NCAPG: variants seen among roughly 807,000 people sequenced by gnomAD.
NCAPG encodes the protein non-SMC condensin I complex subunit G.
A neutral mutation model predicts 113.1 loss-of-function variants in NCAPG; 69 were observed. The observed-to-expected ratio is 0.61, with a 90% CI of 0.50 to 0.75. The LOEUF (loss-of-function observed/expected upper bound fraction) is 0.75, where lower values mean the gene tolerates loss of function less well. Among genes scored for constraint, NCAPG ranks in the 30% least tolerant of loss-of-function variants. NCAPG has a pLI of 0.00. For missense variants in NCAPG, 1,058 were observed against 1,177.0 expected (o/e 0.90, Z 1.48); for synonymous variants, 370 against 415.8 (o/e 0.89, Z 1.34).
intron 16 of NCAPG, 151 bp from the exon 17 acceptor site, chr4:17,839,524 TG>T (rs373627242): frequency 6.1e-6 from 3 of 493,932 alleles, no homozygotes; most frequent in Non-Finnish European, 1.0e-5. Flanking sequence ...GAGCTTATTT[TG>T]GGGGTAGGGA....
intron 9 of NCAPG, among the ~76,000 whole-genome samples, chr4:17,824,282 C>T (rs1721570218): frequency 6.6e-6 from 1 of 152,034 alleles, no homozygotes; most frequent in Non-Finnish European, 1.5e-5. Context: ...TACTATAATA[C>T]TATTTCAGTG....
chr4:17,813,906 A>G (rs1721095173), intron 3 of NCAPG, among the ~76,000 whole-genome samples: 1 of 152,094 alleles, frequency 6.6e-6, no homozygotes, highest in Non-Finnish European at 1.5e-5. Flanking sequence ...TCACTGGTAT[A>G]TTTATCACTA....
At chr4:17,841,003 G>A (rs1722348289) in intron 19 of NCAPG, among the ~76,000 whole-genome samples, 1 of 151,870 alleles carries the variant, frequency 6.6e-6, no homozygotes, top group African/African-American at 2.4e-5. Flanking sequence ...AGTTATTTGT[G>A]TTCTATCCTT....
chr4:17,833,489 TTGTTG>T (rs1721959752), intron 13 of NCAPG, among the ~76,000 whole-genome samples: 1 of 110,704 alleles, frequency 9.0e-6, no homozygotes, highest in African/African-American at 3.7e-5. Context: ...TATATTTTTG[TTGTTG>T]TTGTTGTTGT....
intron 14 of NCAPG, among the ~76,000 whole-genome samples, chr4:17,836,046 C>T (rs1722080303): frequency 6.6e-6 from 1 of 152,186 alleles, no homozygotes; most frequent in African/African-American, 2.4e-5. Context: ...AAACTGTTTT[C>T]CACAGTGATT....
chr4:17,816,043 T>G (rs1265465552), intron 5 of NCAPG, among the ~76,000 whole-genome samples: 1 of 151,772 alleles, frequency 6.6e-6, no homozygotes, highest in Non-Finnish European at 1.5e-5. Context: ...ATAGGAATGG[T>G]CAGACCAGTA....
chr4:17,834,666 T>A (rs1577345350), intron 14 of NCAPG, 143 bp downstream of exon 14: 1 of 537,096 alleles, frequency 1.9e-6, no homozygotes. Context: ...GGTATACATG[T>A]GCCATGGTGG....
rs1038144800 is a variant in NCAPG, at chr4:17,834,489, T to C, written c.2075T>C (p.Val692Ala). ...EVEETATAKN[V>A]LKLLSDFLDS... ...GAAGAGACTGCTACAGCTAAGAATG[T>C]TCTGAAACTCCTTTCTGATTTCTTA... The change falls in exon 14 of 21, where the codon GTT becomes GCT. Residue 692 changes from valine to alanine, a missense_variant. Val to Ala is a moderately conservative substitution (Grantham distance 64). Coordinates refer to ENST00000251496, the MANE Select transcript of NCAPG (RefSeq NM_022346.5). The C allele has an allele frequency of 7.5e-6, 12 of 1,598,294 alleles. No individual in the cohort carries two copies. Among genetic ancestry groups the C allele is most frequent in the Non-Finnish European group, 9.4e-6 (11 of 1,172,586 alleles).
rs1720972550 is a variant in NCAPG at position 17,811,823 on chromosome 4, G to T, written c.112-398G>T. 6.6e-6 allele frequency among the ~76,000 whole-genome samples: 1 copy of T among 152,178 alleles called. No homozygotes were observed. Among genetic ancestry groups the T allele is most frequent in the African/African-American group, 2.4e-5 (1 of 41,444 alleles). On this transcript the variant is annotated intron_variant, in intron 1 of 20. Transcript: ENST00000251496. This position sits in a 1 kb window ranked among gnomAD's most constrained non-coding sequence, Gnocchi z 5.3. Reference sequence around the variant, plus strand: ...ACATCACAGGGCTTTGAGGATATGAGATAGGATGTGCAAGTTATCTCATAA... The same window carrying T: ...ACATCACAGGGCTTTGAGGATATGATATAGGATGTGCAAGTTATCTCATAA...
rs1412711145 is a variant in NCAPG at position 17,843,963 on chromosome 4, T to A, written c.*538T>A. 2 of 152,090 alleles carry A rather than the reference T, an allele frequency of 1.3e-5. No individual in the cohort carries two copies. Among genetic ancestry groups the A allele is most frequent in the Non-Finnish European group, 2.9e-5 (2 of 67,928 alleles). 9.4% of individuals were successfully genotyped at this position (152,090 alleles called of 1,614,324 possible). On this transcript the variant is annotated 3_prime_UTR_variant, in exon 21 of 21. Transcript: ENST00000251496. ...ATTTTGACAAAAACTTATTTTGTGA[T>A]TCCTACAGTGAAAACATTTTTGGTG... is the stretch of plus-strand genomic sequence containing the variant.
chr4:17,834,560 A>C, intron 14 of NCAPG, 37 bp downstream of exon 14: 94 of 1,277,314 alleles, frequency 7.4e-5, no homozygotes, highest in Non-Finnish European at 8.5e-5. Flanking sequence ...ATGAAATGTC[A>C]TTTTCAGCAT....
Position 17,823,099 on chromosome 4 carries a change from T to TGAAGAAGGA in NCAPG, c.1236_1237insAAGAAGGAG (p.Leu412_Asp413insLysLysGlu). 6.2e-7 allele frequency: 1 copy of TGAAGAAGGA among 1,608,950 alleles called. No individual in the cohort carries two copies. Among genetic ancestry groups the TGAAGAAGGA allele is most frequent in the Non-Finnish European group, 8.5e-7 (1 of 1,178,390 alleles). On this transcript the variant is annotated inframe_insertion, in exon 8 of 21. Coordinates refer to ENST00000251496, the MANE Select transcript of NCAPG (RefSeq NM_022346.5). ...CAATTGATTCTAATTATTAAGTCTT[T>TGAAGAAGGA]GGATACCAGTGAAGAAGGAGGAAGG...
intron 7 of NCAPG, among the ~76,000 whole-genome samples, chr4:17,822,346 T>G (rs1258929997): frequency 2.0e-5 from 3 of 151,946 alleles, no homozygotes; most frequent in African/African-American, 7.3e-5. Context: ...GTAGCCACCA[T>G]GCCTGGCTAA....
chr4:17,825,630 T>A, intron 11 of NCAPG, 69 bp downstream of exon 11: 1 of 1,372,096 alleles, frequency 7.3e-7, no homozygotes, highest in Non-Finnish European at 1.0e-6. Flanking sequence ...TTATTTTCTC[T>A]AACTTCTAGA....
intron 11 of NCAPG, among the ~76,000 whole-genome samples, chr4:17,826,869 G>T (rs1721675455): frequency 6.6e-6 from 1 of 152,194 alleles, no homozygotes; most frequent in South Asian, 2.1e-4. Flanking sequence ...TACTTTTTCT[G>T]TGGTAGTCAC....
At chr4:17,825,929 G>T (rs1235520202) in intron 11 of NCAPG, among the ~76,000 whole-genome samples, 1 of 151,946 alleles carries the variant, frequency 6.6e-6, no homozygotes, top group Non-Finnish European at 1.5e-5. Flanking sequence ...GAGGATCAAT[G>T]ACCTTTCTTT....
Position 17,823,627 on chromosome 4 carries a change from T to G in NCAPG, c.1260-20T>G. The G allele has an allele frequency of 6.3e-7, 1 of 1,594,246 alleles. No homozygotes were observed. Among genetic ancestry groups the G allele is most frequent in the South Asian group, 1.1e-5 (1 of 89,368 alleles). ...ATGTTTTGTCATAATAATATTTAAA[T>G]TAGTTCTTTTTGACTGCAGAAAAAA... On this transcript the variant is annotated intron_variant, in intron 8 of 20. Coordinates refer to ENST00000251496, the MANE Select transcript of NCAPG (RefSeq NM_022346.5).
At chr4:17,819,289 G>T (rs1175172708) in intron 7 of NCAPG, among the ~76,000 whole-genome samples, 3 of 151,682 alleles carry the variant, frequency 2.0e-5, no homozygotes, top group African/African-American at 7.3e-5. Context: ...TACATTTTTG[G>T]GTACCTTTGG....
rs1398080334 is a variant in NCAPG at position 17,825,133 on chromosome 4, A to G, written c.1473+76A>G. The G allele has an allele frequency of 2.1e-5, 23 of 1,087,984 alleles. No individual in the cohort carries two copies. The East Asian group carries it at 4.9e-4, about 23-fold the overall frequency. The allele number at this position is 1,087,984 out of a possible 1,614,324, so 67.4% of individuals were successfully genotyped here. ...AGTCTATTCTTTCCTCTTGCTGTGC[A>G]GTTCTGAAATGTTTCTCACATAATC... is the stretch of plus-strand genomic sequence containing the variant. On this transcript the variant is annotated intron_variant, in intron 10 of 20. Coordinates refer to ENST00000251496, the MANE Select transcript of NCAPG (RefSeq NM_022346.5).
Sources: allele counts gnomAD v4.1 joint callset (sites outside exome capture counted in the v4.1 genomes callset), GRCh38; gene constraint gnomAD v4.1.1; non-coding constraint Gnocchi (gnomAD v3.1); transcripts MANE v1.5; gene names NCBI Gene and HGNC (gene_info 2026-07-23, HGNC 2026-07-21).